ARHGAP19: variants seen among roughly 807,000 people sequenced by gnomAD.
ARHGAP19 encodes rho GTPase-activating protein 19.
Under a neutral mutation model 60.9 loss-of-function variants are expected in ARHGAP19, and 48 were observed. The ratio of observed to expected loss-of-function variants is 0.79; its 90% CI spans 0.62 to 1.00. The LOEUF (loss-of-function observed/expected upper bound fraction) is 1.00, where lower values mean the gene tolerates loss of function less well. Ranked by LOEUF, ARHGAP19 falls within the 50% of genes least tolerant of loss-of-function variation. ARHGAP19 has a pLI of 0.00. For missense variants in ARHGAP19, 562 were observed against 597.2 expected, an observed-to-expected ratio of 0.94 and a Z score of 0.61; for synonymous variants, 209 against 215.5, an observed-to-expected ratio of 0.97 and a Z score of 0.27.
intron 5 of ARHGAP19, 180 bp from the exon 6 acceptor site, chr10:97,256,584 A>G (rs1842755450): frequency 1.9e-6 from 1 of 518,108 alleles, no homozygotes; most frequent in South Asian, 2.9e-5. Flanking sequence ...TAGAAAAACA[A>G]TGTGTCCCTG....
rs185311300 is a variant in ARHGAP19 at position 97,267,251 on chromosome 10, C to A, written c.57-1126G>T. ...ACAAGGCAGTAATTAAATCTTACAG[C>A]TCTGAAATAATCTCCTTTGACTCCA... On this transcript the variant is annotated intron_variant, in intron 1 of 11. Coordinates refer to ENST00000358531, the MANE Select transcript of ARHGAP19 (RefSeq NM_032900.6). Among the ~76,000 whole-genome samples the A allele has an allele frequency of 2.0e-5, 3 of 152,356 alleles. No individual in the cohort carries two copies. The East Asian group carries it at 5.8e-4, about 29-fold the overall frequency.
chr10:97,267,876 G>A (rs1005652126), intron 1 of ARHGAP19, among the ~76,000 whole-genome samples: 7 of 152,236 alleles, frequency 4.6e-5, no homozygotes, highest in African/African-American at 9.6e-5. Flanking sequence ...TTCCTTGTAC[G>A]CCTCCAGGCC....
intron 8 of ARHGAP19, among the ~76,000 whole-genome samples, chr10:97,240,805 T>C (rs1161153871): frequency 6.6e-6 from 1 of 152,168 alleles, no homozygotes; most frequent in Non-Finnish European, 1.5e-5. Flanking sequence ...TCAAATATGA[T>C]CTTAAGTAAA....
intron 10 of ARHGAP19, 93 bp downstream of exon 10, chr10:97,229,671 A>T: frequency 1.0e-6 from 1 of 956,956 alleles, no homozygotes; most frequent in Non-Finnish European, 1.6e-6. Flanking sequence ...AATGGCCCAA[A>T]GAAACACAGT....
chr10:97,239,661 G>GA (rs1300662707), intron 8 of ARHGAP19, among the ~76,000 whole-genome samples: 2 of 149,718 alleles, frequency 1.3e-5, no homozygotes, highest in African/African-American at 2.5e-5. Flanking sequence ...GATATTAGGG[G>GA]AAAAAAAAGT....
At position 97,256,417 on chromosome 10, in the gene ARHGAP19, A is replaced by G. The variant is rs1421907805; in HGVS notation, c.841-13T>C. On this transcript the variant is annotated splice_polypyrimidine_tract_variant and intron_variant, in intron 5 of 11. Transcript: ENST00000358531. ...CATTTGCAGTGACCTATTCAGAGGAAAAGAAACCAAACAATGGACATTAAG... is the reference window on the plus strand; with the variant it reads ...CATTTGCAGTGACCTATTCAGAGGAGAAGAAACCAAACAATGGACATTAAG... 9 of 1,583,896 alleles carry G rather than the reference A, an allele frequency of 5.7e-6. No homozygotes were observed. Among genetic ancestry groups the G allele is most frequent in the Non-Finnish European group, 7.8e-6 (9 of 1,152,852 alleles).
intron 9 of ARHGAP19, among the ~76,000 whole-genome samples, 180 bp from the exon 10 acceptor site, chr10:97,230,054 C>A (rs564558737): frequency 2.6e-5 from 4 of 152,096 alleles, no homozygotes; most frequent in Non-Finnish European, 5.9e-5. Context: ...ACCAAAAAAA[C>A]CCAAAATCAT....
chr10:97,279,493 C>A (rs925154657), intron 1 of ARHGAP19, among the ~76,000 whole-genome samples: 6 of 36,056 alleles, frequency 1.7e-4, no homozygotes, highest in South Asian at 9.6e-4. Flanking sequence ...TGTGTGTGTG[C>A]GTTTTGTTTG....
At chr10:97,292,463 GAGAA>G in intron 1 of ARHGAP19, 105 bp downstream of exon 1, 1 of 1,396,792 alleles carries the variant, frequency 7.2e-7, no homozygotes, top group Admixed American at 1.8e-5. Context: ...AACGCCGTGG[GAGAA>G]AGAAACAAAG....
At chr10:97,282,305 C>T (rs1003042622) in intron 1 of ARHGAP19, among the ~76,000 whole-genome samples, 1 of 152,192 alleles carries the variant, frequency 6.6e-6, no homozygotes, top group African/African-American at 2.4e-5. Flanking sequence ...CTATTACTGC[C>T]ACTTTTTATA....
chr10:97,227,963 GT>G (rs1195534026), intron 11 of ARHGAP19, among the ~76,000 whole-genome samples: 1 of 152,142 alleles, frequency 6.6e-6, no homozygotes, highest in East Asian at 1.9e-4. Flanking sequence ...AGCAACAAAA[GT>G]TGTAACTGAT....
At chr10:97,263,336 G>T in intron 4 of ARHGAP19, 84 bp downstream of exon 4, 1 of 1,356,596 alleles carries the variant, frequency 7.4e-7, no homozygotes. Context: ...TATTTCTGTG[G>T]GTCACAAGCA....
At position 97,223,895 on chromosome 10, in the gene ARHGAP19, T is replaced by C. The variant is rs939219562; in HGVS notation, c.*2227A>G. On this transcript the variant is annotated 3_prime_UTR_variant, in exon 12 of 12. Coordinates refer to ENST00000358531, the MANE Select transcript of ARHGAP19 (RefSeq NM_032900.6). Reference sequence around the variant, plus strand: ...ACAGCTTCTATTAAGAAAAATGACCTATAAAACCCCTAAAGCAAGGGAAAA... The same window carrying C: ...ACAGCTTCTATTAAGAAAAATGACCCATAAAACCCCTAAAGCAAGGGAAAA... 2 of 152,132 alleles carry C rather than the reference T, an allele frequency of 1.3e-5. No individual in the cohort carries two copies. Among genetic ancestry groups the C allele is most frequent in the African/African-American group, 2.4e-5 (1 of 41,418 alleles). The allele number at this position is 152,132 out of a possible 1,614,324, so 9.4% of individuals were successfully genotyped here. A position where few individuals can be genotyped will look rare whatever the true frequency, so the allele number is the denominator to read the frequency against.
rs554472147 is a variant in ARHGAP19, at chr10:97,256,334, G to A, written c.911C>T (p.Ser304Phe). 1 of 1,613,856 alleles carries A rather than the reference G, an allele frequency of 6.2e-7. No homozygotes were observed. The highest frequency in any genetic ancestry group is 1.1e-5 in the South Asian group (1 of 91,072). ...CTTACCTACCTTAAAAAGTTTCTGG[G>A]AGTGTTTAATCATAAAAGCCATCCC... ...NSGMAFMIKH[S>F]QKLFKAPAYI... The change falls in exon 6 of 12, where the codon TCC (serine) becomes TTC (phenylalanine). Residue 304 changes from serine (S) to phenylalanine (F), a missense_variant. Physicochemically the swap from Ser to Phe is radical, Grantham distance 155. Coordinates refer to ENST00000358531, the MANE Select transcript of ARHGAP19 (RefSeq NM_032900.6).
intron 8 of ARHGAP19, among the ~76,000 whole-genome samples, chr10:97,240,894 T>C: frequency 6.6e-6 from 1 of 152,262 alleles, no homozygotes; most frequent in East Asian, 1.9e-4. Flanking sequence ...TGGTTACCTC[T>C]GGATGTGTGT....
Position 97,247,027 on chromosome 10 carries a change from CTCAGGAGACTGAG to C in ARHGAP19, c.928-703_928-691del, listed in dbSNP as rs568462929. On this transcript the variant is annotated intron_variant, in intron 6 of 11. Coordinates refer to ENST00000358531, the MANE Select transcript of ARHGAP19 (RefSeq NM_032900.6). ...TGGCGTATGCCTGTAATCCCAGGTA[CTCAGGAGACTGAG>C]GCAGGAGAATCGCTTGAACCCAGGA... Among the ~76,000 whole-genome samples, 11 of 152,026 alleles carry C rather than the reference CTCAGGAGACTGAG, an allele frequency of 7.2e-5. No individual in the cohort carries two copies. The East Asian group carries it at 1.9e-3, about 27-fold the overall frequency.
intron 1 of ARHGAP19, among the ~76,000 whole-genome samples, chr10:97,291,776 T>C (rs1843235887): frequency 6.6e-6 from 1 of 152,192 alleles, no homozygotes; most frequent in South Asian, 2.1e-4. Context: ...AAACTCAATC[T>C]ATTGAATTAC....
At chr10:97,279,334 A>C (rs1271044741) in intron 1 of ARHGAP19, among the ~76,000 whole-genome samples, 1 of 152,168 alleles carries the variant, frequency 6.6e-6, no homozygotes, top group Non-Finnish European at 1.5e-5. Context: ...TTTATACCCT[A>C]AGGTCTGCCC....
intron 6 of ARHGAP19, among the ~76,000 whole-genome samples, chr10:97,253,600 A>G (rs1842717982): frequency 1.3e-5 from 2 of 152,162 alleles, no homozygotes; most frequent in South Asian, 4.1e-4. Flanking sequence ...TATAGTTAAC[A>G]ACAACGTATG....
Sources: gnomAD v4.1 joint callset for allele counts (sites outside exome capture counted in the v4.1 genomes callset) on GRCh38, gnomAD v4.1.1 for gene constraint, MANE v1.5 for transcripts, NCBI Gene and HGNC (gene_info 2026-07-23, HGNC 2026-07-21) for gene names.